GABRB1: variants seen among roughly 807,000 people sequenced by gnomAD.
GABRB1 encodes the protein gamma-aminobutyric acid receptor subunit beta-1.
A neutral mutation model predicts 51.6 loss-of-function variants in GABRB1; 17 were observed. The ratio of observed to expected loss-of-function variants is 0.33; its 90% CI spans 0.23 to 0.49. The LOEUF is 0.49. Among genes scored for constraint, GABRB1 ranks in the 20% least tolerant of loss-of-function variants. GABRB1 has a pLI of 0.99. For synonymous variants in GABRB1, 247 were observed against 218.9 expected, an observed-to-expected ratio of 1.13 and a Z score of -1.14; for missense variants, 410 against 600.6, an observed-to-expected ratio of 0.68 and a Z score of 3.32.
chr4:47,114,084 T>C (rs926103345), intron 3 of GABRB1, among the ~76,000 whole-genome samples: 2 of 152,192 alleles, frequency 1.3e-5, no homozygotes, highest in Admixed American at 6.5e-5. Context: ...ACAGTTCTTA[T>C]TTGGTTCTGA....
intron 5 of GABRB1, among the ~76,000 whole-genome samples, chr4:47,362,916 C>A (rs1178410103): frequency 6.6e-6 from 1 of 152,058 alleles, no homozygotes; most frequent in Admixed American, 6.6e-5. Context: ...TAAACAGATA[C>A]TGCTAGTACA....
At chr4:47,037,798 T>TC (rs1405961794) in intron 3 of GABRB1, among the ~76,000 whole-genome samples, 1 of 152,120 alleles carries the variant, frequency 6.6e-6, no homozygotes, top group Non-Finnish European at 1.5e-5. Context: ...TTCTTACCCC[T>TC]CCCCACCATT....
chr4:47,189,975 G>T (rs1481607434), intron 4 of GABRB1, among the ~76,000 whole-genome samples: 1 of 151,986 alleles, frequency 6.6e-6, no homozygotes, highest in Non-Finnish European at 1.5e-5. Flanking sequence ...TTATGATGTG[G>T]CTCTGCTGGC....
chr4:47,123,813 A>ATATAT (rs1227584848), intron 3 of GABRB1, among the ~76,000 whole-genome samples: 13 of 94,304 alleles, frequency 1.4e-4, no homozygotes, highest in African/African-American at 5.2e-4. Flanking sequence ...ATCATATATT[A>ATATAT]TATATTATAT....
chr4:47,291,984 T>G (rs541980815), intron 4 of GABRB1, among the ~76,000 whole-genome samples: 2 of 152,122 alleles, frequency 1.3e-5, no homozygotes, highest in Non-Finnish European at 2.9e-5. Context: ...GCATGATTGG[T>G]TTTGAATTGT....
At chr4:47,109,420 T>C (rs1715125122) in intron 3 of GABRB1, among the ~76,000 whole-genome samples, 2 of 152,124 alleles carry the variant, frequency 1.3e-5, no homozygotes, top group African/African-American at 4.8e-5. Context: ...ATTCATATAC[T>C]CACAATTTTA....
intron 5 of GABRB1, among the ~76,000 whole-genome samples, chr4:47,350,208 T>TAG (rs1352652990): frequency 0.013 from 1,232 of 91,582 alleles, 4 homozygotes; most frequent in African/African-American, 0.027. Context: ...TATATATATA[T>TAG]ATATATATAT....
chr4:47,360,350 A>T (rs1346048350), intron 5 of GABRB1, among the ~76,000 whole-genome samples: 1 of 151,982 alleles, frequency 6.6e-6, no homozygotes. Context: ...AGAGTGCTGC[A>T]ACTCAGAGTT....
intron 4 of GABRB1, among the ~76,000 whole-genome samples, chr4:47,242,656 CAT>C (rs1162939144): frequency 2.0e-5 from 3 of 152,210 alleles, no homozygotes; most frequent in Admixed American, 2.0e-4. Context: ...AGCATTTTCT[CAT>C]ATGTCTGTTG....
chr4:47,326,633 C>T (rs1725272169), intron 5 of GABRB1, among the ~76,000 whole-genome samples: 1 of 151,998 alleles, frequency 6.6e-6, no homozygotes, highest in South Asian at 2.1e-4. Context: ...TACTACAGTG[C>T]TCTTATAAAA....
intron 3 of GABRB1, among the ~76,000 whole-genome samples, chr4:47,084,839 A>C (rs540708507): frequency 6.6e-6 from 1 of 152,156 alleles, no homozygotes; most frequent in Non-Finnish European, 1.5e-5. Flanking sequence ...TCTGTTACCC[A>C]CTTTGAGTTG....
intron 4 of GABRB1, among the ~76,000 whole-genome samples, chr4:47,164,204 A>G (rs1295049782): frequency 6.6e-6 from 1 of 151,998 alleles, no homozygotes; most frequent in African/African-American, 2.4e-5. Context: ...TCAAGATGAG[A>G]TTTGGGTGCA....
intron 5 of GABRB1, among the ~76,000 whole-genome samples, chr4:47,401,658 G>A (rs888624175): frequency 6.6e-6 from 1 of 152,124 alleles, no homozygotes; most frequent in African/African-American, 2.4e-5. Flanking sequence ...GGTAACTCAT[G>A]GTTGAATTGG....
At chr4:47,195,536 C>T (rs1487026545) in intron 4 of GABRB1, among the ~76,000 whole-genome samples, 1 of 152,060 alleles carries the variant, frequency 6.6e-6, no homozygotes, top group Non-Finnish European at 1.5e-5. Context: ...ATTCTGATTT[C>T]TGGTTTTCAA....
chr4:47,288,391 T>C (rs894109758), intron 4 of GABRB1, among the ~76,000 whole-genome samples: 4 of 152,010 alleles, frequency 2.6e-5, no homozygotes, highest in African/African-American at 7.2e-5. Context: ...GCCTCCCAAG[T>C]AGCTGGGACT....
intron 3 of GABRB1, among the ~76,000 whole-genome samples, chr4:47,142,530 G>A (rs1174932158): frequency 2.6e-5 from 4 of 151,810 alleles, no homozygotes; most frequent in African/African-American, 4.8e-5. Flanking sequence ...GCAAAGAAGC[G>A]ACATTATCAG....
chr4:47,220,427 C>T (rs1720724739), intron 4 of GABRB1, among the ~76,000 whole-genome samples: 1 of 151,912 alleles, frequency 6.6e-6, no homozygotes, highest in Admixed American at 6.6e-5. Flanking sequence ...GCAATCACTC[C>T]GGTTTGTTAA....
intron 1 of GABRB1, among the ~76,000 whole-genome samples, chr4:47,008,317 T>A (rs77354038): frequency 0.029 from 4,465 of 152,008 alleles, 293 homozygotes; most frequent in East Asian, 0.13. Flanking sequence ...ACATTTGAAA[T>A]GATAAATGGT....
At chr4:47,294,187 C>G (rs1723869205) in intron 4 of GABRB1, among the ~76,000 whole-genome samples, 1 of 152,182 alleles carries the variant, frequency 6.6e-6, no homozygotes, top group African/African-American at 2.4e-5. Flanking sequence ...ACGCAGAAGA[C>G]AGATGATTTC....
Sources: gnomAD v4.1 joint callset for allele counts (sites outside exome capture counted in the v4.1 genomes callset) on GRCh38, gnomAD v4.1.1 for gene constraint, MANE v1.5 for transcripts, NCBI Gene and HGNC (gene_info 2026-07-23, HGNC 2026-07-21) for gene names.